The following CDH22 variants were observed in gnomAD, a reference collection of about 807,000 sequenced individuals.
CDH22 encodes the protein cadherin-22.
CDH22 carries 30 observed loss-of-function variants against 58.4 expected under a neutral mutation model. The ratio of observed to expected loss-of-function variants is 0.51; its 90% confidence interval spans 0.38 to 0.70. The LOEUF (loss-of-function observed/expected upper bound fraction) is 0.70, where lower values mean the gene tolerates loss of function less well. Ranked by LOEUF, CDH22 falls within the 30% of genes least tolerant of loss-of-function variation. The probability of loss-of-function intolerance (pLI) is 0.00; values close to 1 mark genes in which losing one functional copy is unlikely to be tolerated. For missense variants in CDH22, 1,014 were observed against 1,233.9 expected, an observed-to-expected ratio of 0.82 and a Z score of 2.67; for synonymous variants, 513 against 558.2, an observed-to-expected ratio of 0.92 and a Z score of 1.14.
At chr20:46,234,281 C>A (rs941373607) in intron 3 of CDH22, among the ~76,000 whole-genome samples, 1 of 152,214 alleles carries the variant, frequency 6.6e-6, no homozygotes, top group Admixed American at 6.5e-5. Flanking sequence ...GTGACTCTTT[C>A]CTCAAAGAAA....
chr20:46,176,633 G>A (rs2085741399), intron 11 of CDH22, among the ~76,000 whole-genome samples: 2 of 152,268 alleles, frequency 1.3e-5, no homozygotes, highest in African/African-American at 4.8e-5. Flanking sequence ...GCCAGAGCTG[G>A]CTGTGAGGGC....
intron 2 of CDH22, among the ~76,000 whole-genome samples, chr20:46,243,581 G>A (rs1028181266): frequency 6.6e-6 from 1 of 152,160 alleles, no homozygotes; most frequent in African/African-American, 2.4e-5. Flanking sequence ...AATTATTTCA[G>A]GACATCGGCC....
chr20:46,179,157 T>C (rs2085765956), intron 10 of CDH22, among the ~76,000 whole-genome samples: 1 of 152,206 alleles, frequency 6.6e-6, no homozygotes, highest in South Asian at 2.1e-4. Context: ...TGATGGCCTC[T>C]CTCAGTTCTG....
In CDH22 at chr20:46,251,361, C is replaced by T. The variant is rs942028057; in HGVS notation, c.-67G>A. 23 of 1,392,842 alleles carry T rather than the reference C, an allele frequency of 1.7e-5. No individual in the cohort carries two copies. Among genetic ancestry groups the T allele is most frequent in the South Asian group, 3.2e-5 (2 of 63,450 alleles). The allele number at this position is 1,392,842 out of a possible 1,614,324, so 86.3% of individuals were successfully genotyped here. A position where few individuals can be genotyped will look rare whatever the true frequency, so the allele number is the denominator to read the frequency against. Reference sequence around the variant, plus strand: ...AGGCACCAGGGCGCCGCTGCTTGGTCGCACAACGATGCGGCGCCGTGTCAC... The same window carrying T: ...AGGCACCAGGGCGCCGCTGCTTGGTTGCACAACGATGCGGCGCCGTGTCAC... On this transcript the variant is annotated 5_prime_UTR_variant, in exon 2 of 12. Coordinates refer to ENST00000537909, the MANE Select transcript of CDH22 (RefSeq NM_021248.3). This position sits in a 1 kb window ranked among gnomAD's most constrained non-coding sequence, Gnocchi z 6.7.
At chr20:46,307,415 C>G (rs901666835) in intron 1 of CDH22, among the ~76,000 whole-genome samples, 1 of 152,216 alleles carries the variant, frequency 6.6e-6, no homozygotes, top group African/African-American at 2.4e-5. Flanking sequence ...GTCCACTCTT[C>G]ACAGTAAACG....
intron 3 of CDH22, among the ~76,000 whole-genome samples, chr20:46,239,837 G>A (rs904548747): frequency 1.4e-4 from 22 of 152,336 alleles, no homozygotes; most frequent in African/African-American, 5.1e-4. Flanking sequence ...GGCCTTGATG[G>A]TCAGAAACGG....
In CDH22 at chr20:46,248,169, C is replaced by G. The variant is rs536702918; in HGVS notation, c.255+2871G>C. 1.1e-4 allele frequency among the ~76,000 whole-genome samples: 16 copies of G among 152,302 alleles called. No individual in the cohort carries two copies. The South Asian group carries it at 3.3e-3, about 32-fold the overall frequency. On this transcript the variant is annotated intron_variant, in intron 2 of 11. Transcript: ENST00000537909. ...CCTTCTAATGAAGGGAGCTACAGGG[C>G]CCTCCCCTGCTTATAGACTGTGGTT...
At chr20:46,277,064 G>A (rs1318725933) in intron 1 of CDH22, among the ~76,000 whole-genome samples, 1 of 151,928 alleles carries the variant, frequency 6.6e-6, no homozygotes, top group African/African-American at 2.4e-5. Flanking sequence ...TGAGGGGAGA[G>A]GATTGCTTGA....
At chr20:46,232,748 A>T (rs1045103383) in intron 3 of CDH22, among the ~76,000 whole-genome samples, 5 of 152,116 alleles carry the variant, frequency 3.3e-5, no homozygotes, top group African/African-American at 4.8e-5. Context: ...CCCCCTCTCA[A>T]CATCCACCCC....
chr20:46,211,720 C>T (rs2086044778), intron 6 of CDH22, among the ~76,000 whole-genome samples: 1 of 152,012 alleles, frequency 6.6e-6, no homozygotes. Flanking sequence ...TCTGGGCCTC[C>T]AATTCTCCAT....
intron 1 of CDH22, among the ~76,000 whole-genome samples, chr20:46,281,971 G>C (rs1190178911): frequency 6.6e-6 from 1 of 152,260 alleles, no homozygotes; most frequent in African/African-American, 2.4e-5. Context: ...AGAGCTTAGG[G>C]AATGAAAGTA....
intron 1 of CDH22, among the ~76,000 whole-genome samples, chr20:46,271,034 G>T (rs1478772980): frequency 6.6e-6 from 1 of 152,214 alleles, no homozygotes; most frequent in Non-Finnish European, 1.5e-5. Flanking sequence ...CTGTAACCAA[G>T]TGAGGTTTGA....
intron 1 of CDH22, among the ~76,000 whole-genome samples, chr20:46,271,174 A>T (rs554331033): frequency 1.3e-5 from 2 of 152,190 alleles, no homozygotes; most frequent in African/African-American, 4.8e-5. Context: ...ACATCCATTT[A>T]TCAAAGCCCC....
chr20:46,285,529 C>T (rs955134153), intron 1 of CDH22, among the ~76,000 whole-genome samples: 2 of 152,168 alleles, frequency 1.3e-5, no homozygotes, highest in African/African-American at 4.8e-5. Context: ...CCCAGGACAC[C>T]TTCCCCCCAA....
At chr20:46,186,411 C>T (rs976152090) in intron 10 of CDH22, among the ~76,000 whole-genome samples, 177 bp downstream of exon 10, 1 of 151,814 alleles carries the variant, frequency 6.6e-6, no homozygotes. Context: ...CCAACCCACA[C>T]CCTGCTTGTG....
At chr20:46,179,276 C>T (rs1236742750) in intron 10 of CDH22, among the ~76,000 whole-genome samples, 2 of 152,200 alleles carry the variant, frequency 1.3e-5, no homozygotes, top group Non-Finnish European at 2.9e-5. Context: ...CTTCAGTCCT[C>T]CTTCTCCCCG....
Position 46,194,062 on chromosome 20 carries a change from G to A in CDH22, c.1423+5361C>T, listed in dbSNP as rs143424844. 3.7e-3 allele frequency among the ~76,000 whole-genome samples: 557 copies of A among 152,248 alleles called. 7 individuals carry two copies. The highest frequency in any genetic ancestry group is 0.013 in the African/African-American group (534 of 41,556). On this transcript the variant is annotated intron_variant, in intron 8 of 11. Coordinates refer to ENST00000537909, the MANE Select transcript of CDH22 (RefSeq NM_021248.3). ...AATAGATGTCCCCTCCTCTGGGAAG[G>A]GTTTTCTGGCCCTCGCTGGGTAGGC...
At chr20:46,219,321 C>A (rs2086108150) in intron 4 of CDH22, among the ~76,000 whole-genome samples, 1 of 152,168 alleles carries the variant, frequency 6.6e-6, no homozygotes, top group African/African-American at 2.4e-5. Context: ...GGGATAGATT[C>A]CAGATCTGCC....
chr20:46,204,417 A>AAGAG (rs1251262818), intron 7 of CDH22, among the ~76,000 whole-genome samples: 3 of 113,846 alleles, frequency 2.6e-5, no homozygotes, highest in East Asian at 4.5e-4. Context: ...AAAAAAAAAA[A>AAGAG]AGAGAGAGAG....
Sources: allele counts gnomAD v4.1 joint callset (sites outside exome capture counted in the v4.1 genomes callset), GRCh38; gene constraint gnomAD v4.1.1; non-coding constraint Gnocchi (gnomAD v3.1); transcripts MANE v1.5; gene names NCBI Gene and HGNC (gene_info 2026-07-23, HGNC 2026-07-21).